BRD1: variants seen among roughly 807,000 people sequenced by gnomAD.
The protein encoded by BRD1 is bromodomain-containing protein 1.
In BRD1, 24 loss-of-function variants were observed where a neutral mutation model predicts 107.7. The observed-to-expected ratio is 0.22, with a 90% confidence interval of 0.16 to 0.31. The LOEUF is 0.31. Among genes scored for constraint, BRD1 ranks in the 10% least tolerant of loss-of-function variants. BRD1 has a pLI of 1.00. For synonymous variants in BRD1, 744 were observed against 686.1 expected (o/e 1.08, Z -1.32); for missense variants, 1,279 against 1,638.6 (o/e 0.78, Z 3.79).
rs1184083055 is a variant in BRD1, at chr22:49,783,243, TTC to T, written c.2857+4145_2857+4146del. 6.6e-6 allele frequency among the ~76,000 whole-genome samples: 1 copy of T among 152,246 alleles called. No homozygotes were observed. Among genetic ancestry groups the T allele is most frequent in the Non-Finnish European group, 1.5e-5 (1 of 68,048 alleles). ...AGATGCCCCACCCCACGAGCAGGAC[TTC>T]TCAGTTGGCCGCAGGGGCACTCAGC... On this transcript the variant is annotated intron_variant, in intron 8 of 12. Transcript: ENST00000404760. This position sits in a 1 kb window ranked among gnomAD's most constrained non-coding sequence, Gnocchi z 4.2.
intron 8 of BRD1, among the ~76,000 whole-genome samples, chr22:49,781,866 T>C (rs967058912): frequency 2.0e-5 from 3 of 152,292 alleles, no homozygotes; most frequent in African/African-American, 7.2e-5. Flanking sequence ...AGCACCCTGC[T>C]CTTGCTGGGA....
At chr22:49,796,348 C>A (rs1179341569) in intron 6 of BRD1, among the ~76,000 whole-genome samples, 1 of 144,842 alleles carries the variant, frequency 6.9e-6, no homozygotes, top group Admixed American at 6.8e-5. Flanking sequence ...CCCGCCTCGG[C>A]CTCTCTCTTT....
Position 49,824,747 on chromosome 22 carries a change from G to A in BRD1, c.-14-416C>T, listed in dbSNP as rs2060128032. ...CACATACAGGGCTGGACCCCACCAG[G>A]CACAGAGGCTATGCCCACCAGACAG... On this transcript the variant is annotated intron_variant, in intron 1 of 12. Transcript: ENST00000404760. The surrounding 1 kb of genome is among the most constrained non-coding windows in gnomAD (Gnocchi z 5.9). The A allele has an allele frequency of 1.9e-5, 20 of 1,039,974 alleles. No individual in the cohort carries two copies. Among genetic ancestry groups the A allele is most frequent in the Non-Finnish European group, 2.2e-5 (19 of 862,128 alleles). 64.4% of individuals were successfully genotyped at this position (1,039,974 alleles called of 1,614,324 possible).
intron 10 of BRD1, 32 bp downstream of exon 10, chr22:49,777,002 G>A (rs755295280): frequency 6.2e-7 from 1 of 1,612,110 alleles, no homozygotes; most frequent in South Asian, 1.1e-5. Context: ...AGGAGGTGTG[G>A]AGAGCCATGG....
At position 49,798,101 on chromosome 22, in the gene BRD1, T is replaced by A. The variant is rs1418244683; in HGVS notation, c.1802A>T (p.Asp601Val). The change falls in exon 6 of 13, where the codon GAT (aspartate) becomes GTT (valine). Residue 601 changes from aspartate (D) to valine (V), a missense_variant. Physicochemically the swap from Asp to Val is radical, Grantham distance 152. Coordinates refer to ENST00000404760, the MANE Select transcript of BRD1 (RefSeq NM_001304808.3). ...AAAGTCCATGGGATGTTTAATGTGA[T>A]CCAAATAATCTGGTACCTAATTTTA... ...VSLKEVPDYL[D>V]HIKHPMDFAT... 6.2e-7 allele frequency: 1 copy of A among 1,606,072 alleles called. No individual in the cohort carries two copies. The highest frequency in any genetic ancestry group is 1.1e-5 in the South Asian group (1 of 90,684).
chr22:49,802,641 A>G (rs2059662532), intron 3 of BRD1, among the ~76,000 whole-genome samples: 1 of 93,822 alleles, frequency 1.1e-5, no homozygotes, highest in Non-Finnish European at 2.2e-5. Flanking sequence ...CCTTTCCCCA[A>G]CATCGCGGGG....
At position 49,787,686 on chromosome 22, in the gene BRD1, G is replaced by C. The variant is rs1031819022; in HGVS notation, c.2561C>G (p.Pro854Arg). 4 of 1,550,576 alleles carry C rather than the reference G, an allele frequency of 2.6e-6. No homozygotes were observed. The Admixed American group carries it at 5.9e-5, about 23-fold the overall frequency. Reference protein sequence around the residue: ...SALVSGRPPEPTRASSGDVPA... With the variant: ...SALVSGRPPERTRASSGDVPA... ...CACATCGCCACTACTGGCGCGGGTG[G>C]GCTCTGGAGGGCGTCCGCTTACCAG... Residue 854 changes from proline (P) to arginine (R), a missense_variant, in exon 8 of 13, where the codon CCC (proline) becomes CGC (arginine). Physicochemically the swap from Pro to Arg is moderately radical, Grantham distance 103 (BLOSUM62 -2). Transcript: ENST00000404760.
intron 2 of BRD1, among the ~76,000 whole-genome samples, chr22:49,814,149 G>T (rs889806725): frequency 1.3e-5 from 2 of 152,200 alleles, no homozygotes; most frequent in Admixed American, 1.3e-4. Context: ...AAAGTTGAGT[G>T]AAAGAACAGG....
At chr22:49,818,183 C>T (rs1307329162) in intron 2 of BRD1, 4 of 1,041,940 alleles carry the variant, frequency 3.8e-6, no homozygotes, top group East Asian at 8.5e-5. Flanking sequence ...AAACCTCATT[C>T]GAATGAAGGT....
At position 49,798,645 on chromosome 22, in the gene BRD1, C is replaced by T. The variant is rs766872232; in HGVS notation, c.1698G>A (p.Pro566=). 2.8e-5 allele frequency: 45 copies of T among 1,612,778 alleles called. No homozygotes were observed. Among genetic ancestry groups the T allele is most frequent in the Admixed American group, 1.7e-4 (10 of 59,926 alleles). The change falls in exon 5 of 13, where the codon CCG becomes CCA. Residue 566 remains proline, a synonymous_variant. Transcript: ENST00000404760. ...EQVAMELRLT[P]LTVLLRSVLD... ...GCACTGAGCGCAGCAGCACCGTCAG[C>T]GGGGTCAGCCGCAGCTCCATGGCGA...
intron 2 of BRD1, among the ~76,000 whole-genome samples, chr22:49,819,607 C>T (rs761812494): frequency 3.3e-5 from 5 of 151,918 alleles, no homozygotes; most frequent in East Asian, 2.0e-4. Flanking sequence ...CGCACCACCA[C>T]GCCTGGCTAA....
In BRD1 at chr22:49,797,862, T is replaced by C; in HGVS notation, c.2041A>G (p.Met681Val). Residue 681 changes from methionine to valine, a missense_variant, in exon 6 of 13, where the codon ATG becomes GTG. Transcript: ENST00000404760. ...DSIGLEEASG[M>V]HLPERPAAAP... ...GCAGCAGGCCGCTCAGGCAGGTGCA[T>C]CCCCGAGGCCTCTTCCAAGCCGATG... 1 of 1,612,894 alleles carries C rather than the reference T, an allele frequency of 6.2e-7. No individual in the cohort carries two copies. The highest frequency in any genetic ancestry group is 8.5e-7 in the Non-Finnish European group (1 of 1,179,932).
Position 49,787,216 on chromosome 22 carries a change from G to A in BRD1, c.2857+174C>T, listed in dbSNP as rs187084655. On this transcript the variant is annotated intron_variant, in intron 8 of 12. Transcript: ENST00000404760. ...CCACGAAGGCGCCGGCCTCAGACCC[G>A]CAACTCAAGGCTTTTCAAAGAAAAC... Among the ~76,000 whole-genome samples, 235 of 151,464 alleles carry A rather than the reference G, an allele frequency of 1.6e-3. 1 individual carries two copies. Among genetic ancestry groups the A allele is most frequent in the African/African-American group, 4.9e-3 (203 of 41,262 alleles).
rs775181968 is a variant in BRD1, at chr22:49,823,793, G to A, written c.525C>T (p.Gly175=). The A allele has an allele frequency of 2.5e-5, 41 of 1,613,994 alleles. No individual in the cohort carries two copies. Among genetic ancestry groups the A allele is most frequent in the Admixed American group, 3.3e-5 (2 of 60,018 alleles). The change falls in exon 2 of 13, where the codon GGC becomes GGT. Residue 175 remains glycine, a synonymous_variant. Transcript: ENST00000404760. ...WLEIVNEKRK[G]DCVPAVSQSM... ...TCTGCGACACGGCGGGGACGCAGTCGCCCTTGCGCTTCTCATTGACGATCT... is the reference window on the plus strand; with the variant it reads ...TCTGCGACACGGCGGGGACGCAGTCACCCTTGCGCTTCTCATTGACGATCT...
At position 49,798,009 on chromosome 22, in the gene BRD1, C is replaced by G; in HGVS notation, c.1894G>C (p.Asp632His). 1.2e-6 allele frequency: 2 copies of G among 1,614,240 alleles called. No individual in the cohort carries two copies. Among genetic ancestry groups the G allele is most frequent in the Non-Finnish European group, 1.7e-6 (2 of 1,180,040 alleles). The change falls in exon 6 of 13, where the codon GAT (aspartate) becomes CAT (histidine). Residue 632 changes from aspartate to histidine, a missense_variant. Asp to His is a moderately conservative substitution (Grantham distance 81, BLOSUM62 -1). Transcript: ENST00000404760. ...TTCATGCAGTTATCTATAATGAGAT[C>G]AAAATCCTCCTCAAACTCATGGAGG... ...KNLHEFEEDF[D>H]LIIDNCMKYN...
rs758031660 is a variant in BRD1 at position 49,776,999 on chromosome 22, G to A, written c.3121+35C>T. The A allele has an allele frequency of 9.9e-6, 16 of 1,611,724 alleles. No individual in the cohort carries two copies. In the African/African-American group the frequency reaches 1.1e-4, roughly 11 times the overall value. The stretch of plus-strand genomic sequence containing the variant: ...AGCCCTAAGACGCTAACCAGGAGGT[G>A]TGGAGAGCCATGGAGGCAGGTCCGG... On this transcript the variant is annotated intron_variant, in intron 10 of 12. Coordinates refer to ENST00000404760, the MANE Select transcript of BRD1 (RefSeq NM_001304808.3).
Position 49,797,725 on chromosome 22 carries a change from G to A in BRD1, c.2098+80C>T, listed in dbSNP as rs543967563. 4 of 1,432,856 alleles carry A rather than the reference G, an allele frequency of 2.8e-6. No homozygotes were observed. The African/African-American group carries it at 4.3e-5, about 15-fold the overall frequency. The allele number at this position is 1,432,856 out of a possible 1,614,324, so 88.8% of individuals were successfully genotyped here. On this transcript the variant is annotated intron_variant, in intron 6 of 12. Transcript: ENST00000404760. ...AGTGGCTCCCGGACCATGCTGATAG[G>A]GAGCTGGCAACACAGAGCAGGACAG...
Position 49,787,303 on chromosome 22 carries a change from C to CG in BRD1, c.2857+86_2857+87insC, listed in dbSNP as rs1491232323. 5.3e-6 allele frequency: 4 copies of CG among 750,118 alleles called. 1 individual carries two copies. Among genetic ancestry groups the CG allele is most frequent in the Admixed American group, 7.2e-5 (2 of 27,684 alleles). 46.5% of individuals were successfully genotyped at this position (750,118 alleles called of 1,614,324 possible). On this transcript the variant is annotated intron_variant, in intron 8 of 12. Coordinates refer to ENST00000404760, the MANE Select transcript of BRD1 (RefSeq NM_001304808.3). ...CTGCAAAAACAGAAGCTGGACACCC[C>CG]CCCCCCCCCGTCACACCAATGATCC...
Position 49,776,067 on chromosome 22 carries a change from G to A in BRD1, c.3214C>T (p.Pro1072Ser). ...GTACTCACCAGTGCCGGGTAGGAGG[G>A]GTAGCCGCTGCACTTGGCCCACACC... Reference protein sequence around the residue: ...KVVWAKCSGYPSYPALIIDPK... With the variant: ...KVVWAKCSGYSSYPALIIDPK... Residue 1072 changes from proline to serine, a missense_variant, in exon 11 of 13, where the codon CCC (proline) becomes TCC (serine). Pro to Ser is a moderately conservative substitution (Grantham distance 74, BLOSUM62 -1). Coordinates refer to ENST00000404760, the MANE Select transcript of BRD1 (RefSeq NM_001304808.3). The A allele has an allele frequency of 6.3e-7, 1 of 1,585,832 alleles. No homozygotes were observed. The highest frequency in any genetic ancestry group is 8.5e-7 in the Non-Finnish European group (1 of 1,172,962).
Sources: gnomAD v4.1 joint callset for allele counts (sites outside exome capture counted in the v4.1 genomes callset) on GRCh38, gnomAD v4.1.1 for gene constraint, Gnocchi (gnomAD v3.1) non-coding constraint, MANE v1.5 for transcripts, NCBI Gene and HGNC (gene_info 2026-07-23, HGNC 2026-07-21) for gene names.